The following CAPRIN1 variants were observed in gnomAD, a reference collection of about 807,000 sequenced individuals.
CAPRIN1 encodes the protein caprin-1.
CAPRIN1 carries 29 observed loss-of-function variants against 100.9 expected under a neutral mutation model. That is an observed-to-expected ratio of 0.29 (90% CI 0.21 to 0.39). CAPRIN1 has a LOEUF of 0.39. CAPRIN1 is among the 10% of genes least tolerant of loss of function. The pLI, the probability that CAPRIN1 is intolerant of heterozygous loss-of-function variation, is 1.00. For missense variants in CAPRIN1, 795 were observed against 876.7 expected, an observed-to-expected ratio of 0.91 and a Z score of 1.18; for synonymous variants, 338 against 307.5, an observed-to-expected ratio of 1.10 and a Z score of -1.04.
intron 9 of CAPRIN1, among the ~76,000 whole-genome samples, chr11:34,084,085 T>A (rs1346613766): frequency 6.6e-6 from 1 of 152,006 alleles, no homozygotes; most frequent in Non-Finnish European, 1.5e-5. Flanking sequence ...AAACCCATTT[T>A]CCAAAGAGAT....
In CAPRIN1 at chr11:34,076,365, A is replaced by G. The variant is rs1302626165; in HGVS notation, c.496A>G (p.Thr166Ala). The G allele has an allele frequency of 6.2e-7, 1 of 1,614,082 alleles. No individual in the cohort carries two copies. The highest frequency in any genetic ancestry group is 1.3e-5 in the African/African-American group (1 of 74,940). The stretch of plus-strand genomic sequence containing the variant: ...CAAATTGGGAGATGATGAAGTGCGG[A>G]CTGACCTGAAACAAGGTTTGAATGG... ...LDKLGDDEVR[T>A]DLKQGLNGVP... Residue 166 changes from threonine to alanine, a missense_variant, in exon 5 of 19, where the codon ACT (threonine) becomes GCT (alanine). Transcript: ENST00000341394.
At position 34,089,434 on chromosome 11, in the gene CAPRIN1, C is replaced by A; in HGVS notation, c.1271C>A (p.Pro424His). ...AGACTTGCTCAGCCTAATCAAGTTC[C>A]TGTACAACCAGAAGCGACACAGGTA... ...ESRLAQPNQV[P>H]VQPEATQVPL... Residue 424 changes from proline to histidine, a missense_variant, in exon 12 of 19, where the codon CCT becomes CAT. Physicochemically the swap from Pro to His is moderately conservative, Grantham distance 77. Coordinates refer to ENST00000341394, the MANE Select transcript of CAPRIN1 (RefSeq NM_005898.5). 6.2e-7 allele frequency: 1 copy of A among 1,608,072 alleles called. No homozygotes were observed. Among genetic ancestry groups the A allele is most frequent in the African/African-American group, 1.3e-5 (1 of 74,694 alleles).
At chr11:34,052,665 G>T (rs773935831) in intron 2 of CAPRIN1, 29 bp downstream of exon 2, 1 of 1,578,406 alleles carries the variant, frequency 6.3e-7, no homozygotes, top group South Asian at 1.1e-5. Flanking sequence ...GAAGGGAGGG[G>T]TGGCTGCGGC....
chr11:34,058,187 AGTGCAGTG>A (rs1236442341), intron 2 of CAPRIN1, among the ~76,000 whole-genome samples: 2 of 152,082 alleles, frequency 1.3e-5, no homozygotes, highest in African/African-American at 2.4e-5. Context: ...CCAGGACTGG[AGTGCAGTG>A]GTGCAATCTC....
intron 4 of CAPRIN1, among the ~76,000 whole-genome samples, chr11:34,074,220 A>C (rs568381169): frequency 6.6e-6 from 1 of 152,296 alleles, no homozygotes; most frequent in South Asian, 2.1e-4. Flanking sequence ...TAGAAGCAGG[A>C]TTGCTATACA....
At chr11:34,097,553 A>G in intron 17 of CAPRIN1, 145 bp from the exon 18 acceptor site, 1 of 829,544 alleles carries the variant, frequency 1.2e-6, no homozygotes, top group Non-Finnish European at 1.9e-6. Flanking sequence ...CAACAATTAC[A>G]GAACAAGGTG....
intron 18 of CAPRIN1, chr11:34,098,996 C>T: frequency 7.3e-6 from 9 of 1,231,822 alleles, no homozygotes; most frequent in Non-Finnish European, 8.2e-6. Flanking sequence ...GTATCTATTC[C>T]CAACGCTTGA....
intron 11 of CAPRIN1, among the ~76,000 whole-genome samples, chr11:34,088,947 A>T (rs1457934872): frequency 2.0e-5 from 3 of 152,036 alleles, no homozygotes; most frequent in South Asian, 4.2e-4. Flanking sequence ...GATTGCTAAA[A>T]AGTTTATTTA....
intron 15 of CAPRIN1, chr11:34,095,798 A>G (rs924141907): frequency 6.6e-6 from 1 of 152,206 alleles, no homozygotes; most frequent in African/African-American, 2.4e-5. Context: ...TGGAGCTTGT[A>G]TATATGTTAG....
chr11:34,090,782 T>G (rs1389000401), intron 14 of CAPRIN1, 104 bp downstream of exon 14: 3 of 940,904 alleles, frequency 3.2e-6, no homozygotes, highest in Non-Finnish European at 4.9e-6. Context: ...TGAGTCTGCA[T>G]CTTTCATTAA....
At chr11:34,067,459 A>G (rs1034689363) in intron 2 of CAPRIN1, among the ~76,000 whole-genome samples, 16 of 152,080 alleles carry the variant, frequency 1.1e-4, no homozygotes, top group African/African-American at 3.9e-4. Context: ...ATCAGAATAA[A>G]TAGGCATGTG....
intron 2 of CAPRIN1, chr11:34,053,261 C>T (rs1460549836): frequency 4.3e-6 from 2 of 467,362 alleles, no homozygotes; most frequent in Non-Finnish European, 5.6e-6. Flanking sequence ...CGATGGGCTC[C>T]CCTGCGTTTC....
At chr11:34,085,873 A>G (rs1208133350) in intron 9 of CAPRIN1, among the ~76,000 whole-genome samples, 191 bp from the exon 10 acceptor site, 1 of 152,188 alleles carries the variant, frequency 6.6e-6, no homozygotes, top group Non-Finnish European at 1.5e-5. Flanking sequence ...TGGAACTGAA[A>G]CACTGTAGAA....
chr11:34,074,570 C>T (rs1850871039), intron 4 of CAPRIN1, among the ~76,000 whole-genome samples: 1 of 152,072 alleles, frequency 6.6e-6, no homozygotes, highest in Non-Finnish European at 1.5e-5. Flanking sequence ...CCTGTGTTTC[C>T]TGCCTCCACC....
At chr11:34,096,419 T>C in intron 15 of CAPRIN1, 60 bp from the exon 16 acceptor site, 1 of 1,273,382 alleles carries the variant, frequency 7.9e-7, no homozygotes, top group Admixed American at 1.8e-5. Context: ...AGAAAGTGCG[T>C]GGGAGAACAA....
At chr11:34,081,958 C>G (rs981490061) in intron 7 of CAPRIN1, among the ~76,000 whole-genome samples, 4 of 151,544 alleles carry the variant, frequency 2.6e-5, no homozygotes, top group Non-Finnish European at 5.9e-5. Flanking sequence ...ATTACAGGCA[C>G]ACACCACCAT....
At chr11:34,053,239 C>G (rs1334632487) in intron 2 of CAPRIN1, 20 of 809,694 alleles carry the variant, frequency 2.5e-5, no homozygotes, top group Non-Finnish European at 3.0e-5. Context: ...ATTTGCTACC[C>G]CCGCGCCCAT....
At chr11:34,077,499 CTG>C (rs1010162604) in intron 6 of CAPRIN1, among the ~76,000 whole-genome samples, 4 of 152,170 alleles carry the variant, frequency 2.6e-5, no homozygotes, top group Admixed American at 2.6e-4. Flanking sequence ...AAACATGCAA[CTG>C]TGAACTGATT....
chr11:34,096,771 C>T, intron 16 of CAPRIN1, 98 bp downstream of exon 16: 1 of 792,112 alleles, frequency 1.3e-6, no homozygotes, highest in Non-Finnish European at 2.0e-6. Flanking sequence ...AAGGATGTAT[C>T]TGCATTAGCC....
Sources: allele counts gnomAD v4.1 joint callset (sites outside exome capture counted in the v4.1 genomes callset), GRCh38; gene constraint gnomAD v4.1.1; transcripts MANE v1.5; gene names NCBI Gene and HGNC (gene_info 2026-07-23, HGNC 2026-07-21).